Variants in RGSL1 observed in about 807,000 individuals in gnomAD.
The protein encoded by RGSL1 is regulator of G protein signaling protein-like.
RGSL1 carries 97 observed loss-of-function variants against 124.7 expected under a neutral mutation model. That is an observed-to-expected ratio of 0.78 (90% CI 0.66 to 0.92). The LOEUF (loss-of-function observed/expected upper bound fraction) is 0.92. RGSL1 is among the 40% of genes least tolerant of loss of function. RGSL1 has a pLI of 0.00. For synonymous variants in RGSL1, 424 were observed against 438.1 expected (o/e 0.97, Z 0.40); for missense variants, 1,233 against 1,288.4 (o/e 0.96, Z 0.66).
chr1:182,494,014 T>C (rs1172315170), intron 9 of RGSL1, among the ~76,000 whole-genome samples: 3 of 152,180 alleles, frequency 2.0e-5, no homozygotes, highest in Non-Finnish European at 2.9e-5. Flanking sequence ...CTTCTTCCTC[T>C]CCTGCTCCCC....
chr1:182,457,480 AG>A (rs1334665964), intron 2 of RGSL1, among the ~76,000 whole-genome samples: 1 of 152,216 alleles, frequency 6.6e-6, no homozygotes, highest in Non-Finnish European at 1.5e-5. Context: ...ACATGCAGAC[AG>A]CAACATCACC....
chr1:182,542,577 A>AT (rs34099783), intron 15 of RGSL1, among the ~76,000 whole-genome samples: 4 of 151,286 alleles, frequency 2.6e-5, no homozygotes, highest in East Asian at 3.9e-4. Flanking sequence ...AAATTTTAGG[A>AT]TTTTTTTTTC....
intron 6 of RGSL1, among the ~76,000 whole-genome samples, chr1:182,485,063 C>T (rs1470024964): frequency 6.6e-6 from 1 of 152,062 alleles, no homozygotes; most frequent in Non-Finnish European, 1.5e-5. Flanking sequence ...GCTGTGTGGC[C>T]ATTAGGCAGC....
In RGSL1 at chr1:182,540,410, T is replaced by G. The variant is rs1293242157; in HGVS notation, c.2658T>G (p.Ser886=). 18 of 1,550,244 alleles carry G rather than the reference T, an allele frequency of 1.2e-5. No individual in the cohort carries two copies. Among genetic ancestry groups the G allele is most frequent in the Non-Finnish European group, 1.5e-5 (17 of 1,146,256 alleles). The change falls in exon 15 of 22, where the codon TCT becomes TCG. Residue 886 remains serine, a synonymous_variant. Coordinates refer to ENST00000294854, the MANE Select transcript of RGSL1 (RefSeq NM_001137669.2). ...NFAINDLYFF[S]EMEKFNDLVS... is the part of the protein sequence containing the mutation. ...CGATCAATGATCTATATTTCTTTTCTGAAATGGAGAAGTAAGTTTTCCACT... is the reference window on the plus strand; with the variant it reads ...CGATCAATGATCTATATTTCTTTTCGGAAATGGAGAAGTAAGTTTTCCACT...
intron 2 of RGSL1, among the ~76,000 whole-genome samples, chr1:182,455,712 T>G (rs530524581): frequency 1.3e-5 from 2 of 152,318 alleles, no homozygotes; most frequent in East Asian, 3.9e-4. Flanking sequence ...TTTGACACTT[T>G]GGGGCAAATT....
intron 4 of RGSL1, among the ~76,000 whole-genome samples, chr1:182,472,087 T>C (rs1653893305): frequency 6.6e-6 from 1 of 152,212 alleles, no homozygotes; most frequent in African/African-American, 2.4e-5. Flanking sequence ...TCTTCATTTT[T>C]TTTGGACAAA....
chr1:182,457,580 C>T (rs1363524537), intron 2 of RGSL1, among the ~76,000 whole-genome samples: 1 of 152,170 alleles, frequency 6.6e-6, no homozygotes. Context: ...GGCTGTTCAT[C>T]TAGGGGAGAT....
At chr1:182,537,681 C>T (rs1659636276) in intron 14 of RGSL1, among the ~76,000 whole-genome samples, 2 of 152,068 alleles carry the variant, frequency 1.3e-5, no homozygotes, top group South Asian at 4.1e-4. Context: ...TGAGGTAAAA[C>T]CTTCCTTGGT....
chr1:182,532,742 C>T lies in RGSL1; in HGVS notation c.2445C>T (p.Arg815=). ...GATTTATGTTGAATCCTAGTAAGCG[C>T]CAGGAATTTGAAGACTATCTTCACC... ...YRRFMLNPSK[R]QEFEDYLHQE... Residue 815 remains arginine (R), a synonymous_variant, in exon 14 of 22, where the codon CGC becomes CGT. Coordinates refer to ENST00000294854, the MANE Select transcript of RGSL1 (RefSeq NM_001137669.2). The T allele has an allele frequency of 6.4e-7, 1 of 1,550,944 alleles. No homozygotes were observed. The highest frequency in any genetic ancestry group is 1.2e-5 in the South Asian group (1 of 84,026).
rs1179128036 is a variant in RGSL1 at position 182,554,622 on chromosome 1, T to C, written c.3131-5T>C. On this transcript the variant is annotated splice_region_variant and splice_polypyrimidine_tract_variant and intron_variant, in intron 19 of 21. Transcript: ENST00000294854. ...GATGCAATTTTTCTCTGTATTTCTC[T>C]TTAGCTTCATCAAGCAAACTTACTC... is the stretch of plus-strand genomic sequence containing the variant. 1.9e-6 allele frequency: 3 copies of C among 1,551,388 alleles called. No individual in the cohort carries two copies. The highest frequency in any genetic ancestry group is 1.4e-5 in the African/African-American group (1 of 73,054).
chr1:182,540,526 C>A, intron 15 of RGSL1, 105 bp downstream of exon 15: 1 of 964,684 alleles, frequency 1.0e-6, no homozygotes, highest in Non-Finnish European at 1.5e-6. Context: ...TGATTTCAGA[C>A]CTGTCCAGTA....
chr1:182,459,919 T>TGA, intron 3 of RGSL1, 85 bp from the exon 4 acceptor site: 1 of 1,471,796 alleles, frequency 6.8e-7, no homozygotes, highest in South Asian at 1.4e-5. Context: ...AAGTGTGAGG[T>TGA]GATTAGTTGC....
intron 15 of RGSL1, among the ~76,000 whole-genome samples, chr1:182,547,523 C>A (rs767709521): frequency 2.0e-5 from 3 of 152,118 alleles, no homozygotes; most frequent in East Asian, 1.9e-4. Context: ...ACCAGCGTAG[C>A]CTATTAAAAA....
rs563927989 is a variant in RGSL1, at chr1:182,508,668, ATTTGTTTTTTT to A, written c.1826-13332_1826-13322del. On this transcript the variant is annotated intron_variant, in intron 9 of 21. Coordinates refer to ENST00000294854, the MANE Select transcript of RGSL1 (RefSeq NM_001137669.2). ...GCATTTTTTCATATACCTATTGACT[ATTTGTTTTTTT>A]TTTTTTTTTTTTTAATTTATTTTTT... Among the ~76,000 whole-genome samples the A allele has an allele frequency of 3.1e-3, 421 of 134,282 alleles. 3 individuals are homozygous for A. The highest frequency in any genetic ancestry group is 0.011 in the African/African-American group (403 of 36,304). 88.1% of individuals were successfully genotyped at this position (134,282 alleles called of 152,430 possible).
intron 1 of RGSL1, 76 bp from the exon 2 acceptor site, chr1:182,453,882 T>G (rs1652052949): frequency 1.3e-6 from 1 of 788,290 alleles, no homozygotes. Flanking sequence ...AATGATCCAT[T>G]CGATTGCTTC....
chr1:182,485,420 CT>C (rs1462508696), intron 6 of RGSL1, among the ~76,000 whole-genome samples: 2 of 152,156 alleles, frequency 1.3e-5, no homozygotes, highest in East Asian at 3.9e-4. Context: ...GTGCTGGGGG[CT>C]TCTAGTCAGC....
intron 9 of RGSL1, among the ~76,000 whole-genome samples, chr1:182,501,307 C>CTTTT (rs141279993): frequency 1.6e-3 from 98 of 61,358 alleles, no homozygotes; most frequent in South Asian, 3.6e-3. Context: ...TTTTTCTTTT[C>CTTTT]TTTTTTTTTT....
At chr1:182,476,195 A>T (rs1315170962) in intron 6 of RGSL1, among the ~76,000 whole-genome samples, 1 of 152,216 alleles carries the variant, frequency 6.6e-6, no homozygotes, top group Non-Finnish European at 1.5e-5. Flanking sequence ...TAATTAAAGC[A>T]CAGTGGTCTT....
At chr1:182,494,240 A>T (rs1166287910) in intron 9 of RGSL1, among the ~76,000 whole-genome samples, 1 of 152,204 alleles carries the variant, frequency 6.6e-6, no homozygotes, top group Non-Finnish European at 1.5e-5. Context: ...AATGATTAGG[A>T]TCAATTACCC....
Sources: gnomAD v4.1 joint callset for allele counts (sites outside exome capture counted in the v4.1 genomes callset) on GRCh38, gnomAD v4.1.1 for gene constraint, MANE v1.5 for transcripts, NCBI Gene and HGNC (gene_info 2026-07-23, HGNC 2026-07-21) for gene names.